The following COL4A6 variants were observed in gnomAD, a reference collection of about 807,000 sequenced individuals.
COL4A6 encodes collagen type IV alpha 6 chain.
In COL4A6, 59 loss-of-function variants were observed where a neutral mutation model predicts 126.7. The ratio of observed to expected loss-of-function variants is 0.47; its 90% confidence interval spans 0.38 to 0.58. The LOEUF (loss-of-function observed/expected upper bound fraction) is 0.58, where lower values mean the gene tolerates loss of function less well. Among genes scored for constraint, COL4A6 ranks in the 20% least tolerant of loss-of-function variants. COL4A6 has a pLI of 0.00. For missense variants in COL4A6, 1,285 were observed against 1,337.3 expected (o/e 0.96, Z 0.61); for synonymous variants, 547 against 496.6 (o/e 1.10, Z -1.35).
chrX:108,206,958 A>G (rs1341923662), intron 8 of COL4A6, among the ~76,000 whole-genome samples: 1 of 111,654 alleles, frequency 9.0e-6, no homozygotes, highest in East Asian at 2.8e-4. Flanking sequence ...GAATTGGGGC[A>G]GAGATTGACA....
Position 108,180,631 on chromosome X carries a change from C to T in COL4A6, c.2024-9G>A. ...TCGAGACCCTTTAGGGCCTGAAAAC[C>T]CAAATGTAAGCAATGAGGGGAAAGG... On this transcript the variant is annotated splice_polypyrimidine_tract_variant and intron_variant, in intron 24 of 44. Coordinates refer to ENST00000334504, the MANE Select transcript of COL4A6 (RefSeq NM_033641.4). The T allele has an allele frequency of 2.6e-6, 3 of 1,151,024 alleles. No homozygotes were observed. The highest frequency in any genetic ancestry group is 3.5e-6 in the Non-Finnish European group (3 of 857,946). The allele number at this position is 1,151,024 out of a possible 1,213,427, so 94.9% of individuals were successfully genotyped here. A position where few individuals can be genotyped will look rare whatever the true frequency, so the allele number is the denominator to read the frequency against.
intron 2 of COL4A6, among the ~76,000 whole-genome samples, chrX:108,426,409 C>T (rs1176201489): frequency 9.0e-6 from 1 of 111,560 alleles, no homozygotes; most frequent in Non-Finnish European, 1.9e-5. Context: ...CCCCTCAATA[C>T]AAGCAAACCA....
At chrX:108,356,044 C>T (rs943989561) in intron 2 of COL4A6, among the ~76,000 whole-genome samples, 2 of 109,380 alleles carry the variant, frequency 1.8e-5, no homozygotes, top group Non-Finnish European at 3.8e-5. Context: ...TTTATCTGCA[C>T]CCATTAACTC....
rs760496756 is a variant in COL4A6 at position 108,170,658 on chromosome X, G to C, written c.3444C>G (p.His1148Gln). The change falls in exon 35 of 45, where the codon CAC (histidine) becomes CAG (glutamine). Residue 1148 changes from histidine to glutamine, a missense_variant. Physicochemically the swap from His to Gln is conservative, Grantham distance 24. Transcript: ENST00000334504. Reference sequence around the variant, plus strand: ...ATCCTAGAGGCCCAATTGCCCCTTGGTGACCAGAAGAACCTGGAAGTCCTG... The same window carrying C: ...ATCCTAGAGGCCCAATTGCCCCTTGCTGACCAGAAGAACCTGGAAGTCCTG... ...GEPGLPGSSG[H>Q]QGAIGPLGSP... 2.5e-6 allele frequency: 3 copies of C among 1,206,088 alleles called. No homozygotes were observed. Among genetic ancestry groups the C allele is most frequent in the Non-Finnish European group, 3.4e-6 (3 of 893,966 alleles).
In COL4A6 at chrX:108,278,152, G is replaced by C. The variant is rs185395072; in HGVS notation, c.144+32596C>G. Among the ~76,000 whole-genome samples the C allele has an allele frequency of 4.1e-3, 459 of 112,519 alleles. 3 individuals carry two copies. The highest frequency in any genetic ancestry group is 0.013 in the African/African-American group (412 of 30,962). On this transcript the variant is annotated intron_variant, in intron 3 of 44. Transcript: ENST00000334504. Reference sequence around the variant, plus strand: ...ACAAAGCTGGACGGAGAATGCCTTTGACGAGTTGAGAGAAGAAGGCTTCAG... The same window carrying C: ...ACAAAGCTGGACGGAGAATGCCTTTCACGAGTTGAGAGAAGAAGGCTTCAG...
intron 2 of COL4A6, among the ~76,000 whole-genome samples, chrX:108,402,520 T>C (rs2041110005): frequency 9.0e-6 from 1 of 110,929 alleles, no homozygotes; most frequent in Non-Finnish European, 1.9e-5. Context: ...TTCTTCAACT[T>C]TTTAGGATTT....
chrX:108,239,296 C>A (rs2036515409), intron 3 of COL4A6, among the ~76,000 whole-genome samples: 1 of 112,256 alleles, frequency 8.9e-6, no homozygotes, highest in Non-Finnish European at 1.9e-5. Context: ...TAGAGAAATT[C>A]TCCTACATTT....
intron 2 of COL4A6, among the ~76,000 whole-genome samples, chrX:108,317,487 G>T: frequency 8.9e-6 from 1 of 112,252 alleles, no homozygotes; most frequent in Non-Finnish European, 1.9e-5. Context: ...AGCACACAAA[G>T]TTTGATTTCT....
chrX:108,241,119 T>C (rs188228548), intron 3 of COL4A6, among the ~76,000 whole-genome samples: 2 of 110,672 alleles, frequency 1.8e-5, no homozygotes, highest in African/African-American at 6.6e-5. Flanking sequence ...TTAGAAGTTA[T>C]AAAAAATGTA....
At chrX:108,215,239 G>A (rs1045330995) in intron 5 of COL4A6, among the ~76,000 whole-genome samples, 4 of 111,861 alleles carry the variant, frequency 3.6e-5, no homozygotes, top group East Asian at 5.6e-4. Flanking sequence ...TTTCATTTTC[G>A]TTGTTATTAT....
At chrX:108,208,064 A>C (rs2035602391) in intron 8 of COL4A6, among the ~76,000 whole-genome samples, 1 of 112,304 alleles carries the variant, frequency 8.9e-6, no homozygotes, top group East Asian at 2.8e-4. Flanking sequence ...GAGACAAATA[A>C]TATTATCAGA....
chrX:108,216,727 A>G (rs1339284735), intron 5 of COL4A6, among the ~76,000 whole-genome samples: 1 of 112,941 alleles, frequency 8.9e-6, no homozygotes, highest in Non-Finnish European at 1.9e-5. Flanking sequence ...CACATGGAAT[A>G]GGAGGATCTG....
chrX:108,361,772 T>C (rs1009306968), intron 2 of COL4A6, among the ~76,000 whole-genome samples: 3 of 111,906 alleles, frequency 2.7e-5, no homozygotes, highest in Non-Finnish European at 5.6e-5. Flanking sequence ...GAAACCTCAC[T>C]GATTTGAGAT....
Position 108,331,153 on chromosome X carries a change from T to A in COL4A6, c.64-20325A>T, listed in dbSNP as rs944137098. Among the ~76,000 whole-genome samples the A allele has an allele frequency of 3.6e-5, 4 of 111,976 alleles. No individual in the cohort carries two copies. In the East Asian group the frequency reaches 1.1e-3, roughly 32 times the overall value. On this transcript the variant is annotated intron_variant, in intron 2 of 44. Coordinates refer to ENST00000334504, the MANE Select transcript of COL4A6 (RefSeq NM_033641.4). ...GTGCAAATTTCTTTGCACAGAGGTC[T>A]CTTCTAAATATTCCCAGAGCCTAGC...
chrX:108,389,167 T>C (rs762538009), intron 2 of COL4A6, among the ~76,000 whole-genome samples: 1 of 112,281 alleles, frequency 8.9e-6, no homozygotes, highest in African/African-American at 3.2e-5. Context: ...AAGTGAGATG[T>C]GGTGCTGAGA....
intron 2 of COL4A6, among the ~76,000 whole-genome samples, chrX:108,365,339 T>C (rs184061350): frequency 2.1e-4 from 24 of 111,776 alleles, no homozygotes; most frequent in African/African-American, 7.5e-4. Context: ...TTATAAAATA[T>C]TGAAGGATAG....
chrX:108,381,171 C>T (rs969034630), intron 2 of COL4A6, among the ~76,000 whole-genome samples: 9 of 111,577 alleles, frequency 8.1e-5, no homozygotes, highest in East Asian at 2.8e-4. Context: ...GCCCCCAATT[C>T]CTGAGAACTG....
intron 3 of COL4A6, among the ~76,000 whole-genome samples, chrX:108,239,460 C>T (rs970658139): frequency 1.8e-5 from 2 of 111,998 alleles, no homozygotes; most frequent in African/African-American, 6.5e-5. Context: ...ATAGCATATG[C>T]TTAGCATAAT....
chrX:108,374,984 A>T (rs1215700951), intron 2 of COL4A6, among the ~76,000 whole-genome samples: 1 of 111,967 alleles, frequency 8.9e-6, no homozygotes. Context: ...CGGAAAAGAG[A>T]AGTGCAATGA....
Sources: allele counts gnomAD v4.1 joint callset (sites outside exome capture counted in the v4.1 genomes callset), GRCh38; gene constraint gnomAD v4.1.1; transcripts MANE v1.5; gene names NCBI Gene and HGNC (gene_info 2026-07-23, HGNC 2026-07-21).